UBAP2L: variants seen among roughly 807,000 people sequenced by gnomAD.
UBAP2L encodes ubiquitin associated protein 2 like.
Under a neutral mutation model 130.6 loss-of-function variants are expected in UBAP2L, and 12 were observed. That is an observed-to-expected ratio of 0.09 (90% CI 0.06 to 0.15). The LOEUF (loss-of-function observed/expected upper bound fraction) is 0.15. Ranked by LOEUF, UBAP2L falls within the 10% of genes least tolerant of loss-of-function variation. The pLI, the probability that UBAP2L is intolerant of heterozygous loss-of-function variation, is 1.00. For synonymous variants in UBAP2L, 503 were observed against 524.7 expected, an observed-to-expected ratio of 0.96 and a Z score of 0.57; for missense variants, 965 against 1,332.5, an observed-to-expected ratio of 0.72 and a Z score of 4.29.
At chr1:154,220,527 G>A (rs895193293), upstream of UBAP2L, 3 of 1,104,716 alleles carry the variant, frequency 2.7e-6, no homozygotes, top group African/African-American at 3.1e-5. Context: ...TTTCCTTACG[G>A]GGGAAGACCA....
intron 15 of UBAP2L, 194 bp from the exon 16 acceptor site, chr1:154,254,642 T>C (rs1207645822): frequency 3.5e-6 from 2 of 573,228 alleles, no homozygotes; most frequent in African/African-American, 2.2e-5. Flanking sequence ...TATATCTCAG[T>C]TTTGTTGTTT....
Position 154,270,288 on chromosome 1 carries a change from C to T in UBAP2L, c.3257C>T (p.Ala1086Val). The T allele has an allele frequency of 6.2e-7, 1 of 1,613,926 alleles. No individual in the cohort carries two copies. The highest frequency in any genetic ancestry group is 8.5e-7 in the Non-Finnish European group (1 of 1,179,930). ...GCCTACAACAGCTACAGCTGGGGGG[C>T]CAACTGAGGCCCTGACCCTCTTCTC... is the stretch of plus-strand genomic sequence containing the variant. ...KSAYNSYSWGAN is the reference protein window; with the variant it reads ...KSAYNSYSWGVN Residue 1086 changes from alanine (A) to valine (V), a missense_variant, in exon 27 of 27, where the codon GCC (alanine) becomes GTC (valine). This residue lies in a region of UBAP2L where 194 missense variants were observed against 334.0 expected (regional missense o/e 0.58). Transcript: ENST00000428931.
chr1:154,221,013 G>A (rs1571517276), intron 1 of UBAP2L, 38 bp downstream of exon 1: 1 of 201,960 alleles, frequency 5.0e-6, no homozygotes, highest in Non-Finnish European at 1.0e-5. Flanking sequence ...CGGCGGCGGC[G>A]GCGGCAGCGG....
In UBAP2L at chr1:154,254,094, T is replaced by C; in HGVS notation, c.1854+5T>C. ...AAGGACCTGACTCAGGCAAAGGTAG[T>C]GGCTTCATGAACCCTTGGGAATTGG... is the stretch of plus-strand genomic sequence containing the variant. On this transcript the variant is annotated splice_donor_5th_base_variant and intron_variant, in intron 15 of 26. Coordinates refer to ENST00000428931, the MANE Select transcript of UBAP2L (RefSeq NM_014847.4). 6.5e-7 allele frequency: 1 copy of C among 1,531,030 alleles called. No homozygotes were observed. Among genetic ancestry groups the C allele is most frequent in the South Asian group, 1.3e-5 (1 of 77,850 alleles). 94.8% of individuals were successfully genotyped at this position (1,531,030 alleles called of 1,614,324 possible). A position where few individuals can be genotyped will look rare whatever the true frequency, so the allele number is the denominator to read the frequency against.
chr1:154,228,547 C>T, intron 3 of UBAP2L, 68 bp from the exon 4 acceptor site: 3 of 1,208,756 alleles, frequency 2.5e-6, no homozygotes, highest in Non-Finnish European at 3.6e-6. Context: ...TTCCCTTCAC[C>T]TAGTTTCCTT....
chr1:154,257,009 C>G lies in UBAP2L; in HGVS notation c.2158-54C>G, dbSNP rs957576176. 8.3e-6 allele frequency: 13 copies of G among 1,570,038 alleles called. No homozygotes were observed. The African/African-American group carries it at 1.8e-4, about 21-fold the overall frequency. On this transcript the variant is annotated intron_variant, in intron 18 of 26. Transcript: ENST00000428931. ...GAGGGATTGTCTTATTTTTCCTGAC[C>G]TATGATGCTGATCTCTTTTCTTCTT...
chr1:154,251,634 C>G lies in UBAP2L; in HGVS notation c.1645C>G (p.Leu549Val). The G allele has an allele frequency of 6.2e-7, 1 of 1,614,078 alleles. No individual in the cohort carries two copies. The highest frequency in any genetic ancestry group is 1.7e-5 in the Admixed American group (1 of 60,006). ...CTCTTCAAGCCAGGCTCCAAGTAGC[C>G]TGTATACCAGCACGGCCAGGTAGAG... ...SASSSQAPSS[L>V]YTSTASESSS... Residue 549 changes from leucine (L) to valine (V), a missense_variant, in exon 14 of 27, where the codon CTG (leucine) becomes GTG (valine). By Grantham distance (32) the Leu-to-Val change is conservative (BLOSUM62 1). This residue lies in a region of UBAP2L where 393 missense variants were observed against 408.1 expected (regional missense o/e 0.96). Transcript: ENST00000428931.
intron 22 of UBAP2L, among the ~76,000 whole-genome samples, chr1:154,260,343 A>C (rs1296095511): frequency 6.6e-6 from 1 of 152,170 alleles, no homozygotes; most frequent in East Asian, 1.9e-4. Context: ...CCCCATCTCC[A>C]AAAAAAGTGA....
chr1:154,238,297 C>T (rs745352294), intron 8 of UBAP2L, among the ~76,000 whole-genome samples: 30 of 152,264 alleles, frequency 2.0e-4, no homozygotes, highest in Non-Finnish European at 1.5e-4. Flanking sequence ...TACGAAATGT[C>T]CTGTTATAGT....
At chr1:154,262,541 G>A (rs139698645) in intron 24 of UBAP2L, among the ~76,000 whole-genome samples, 1 of 152,302 alleles carries the variant, frequency 6.6e-6, no homozygotes, top group East Asian at 1.9e-4. Context: ...CTTCAAAGCT[G>A]TCAGCTCAGT....
At chr1:154,220,474 C>T (rs373879246), upstream of UBAP2L, 180 of 1,596,214 alleles carry the variant, frequency 1.1e-4, no homozygotes, top group Middle Eastern at 1.7e-4. Flanking sequence ...GCCCAGGCTC[C>T]GCCGAAGCGA....
chr1:154,250,310 C>T (rs2148872529), intron 12 of UBAP2L, among the ~76,000 whole-genome samples: 1 of 152,170 alleles, frequency 6.6e-6, no homozygotes, highest in South Asian at 2.1e-4. Flanking sequence ...TCTTGGCCTC[C>T]CAAAGTGATG....
chr1:154,235,861 A>G (rs1369872616), intron 6 of UBAP2L, among the ~76,000 whole-genome samples: 1 of 151,574 alleles, frequency 6.6e-6, no homozygotes, highest in African/African-American at 2.4e-5. Flanking sequence ...TGGCCTCTCC[A>G]AGTGCTGAGG....
At chr1:154,247,276 T>TTG (rs1056951250) in intron 11 of UBAP2L, among the ~76,000 whole-genome samples, 67 of 152,306 alleles carry the variant, frequency 4.4e-4, no homozygotes, top group African/African-American at 1.5e-3. Flanking sequence ...AAAATGTTTT[T>TTG]TGTGTGTGTT....
At chr1:154,223,060 A>G (rs1173899302) in intron 1 of UBAP2L, among the ~76,000 whole-genome samples, 2 of 152,208 alleles carry the variant, frequency 1.3e-5, no homozygotes, top group African/African-American at 4.8e-5. Context: ...CTGTGCCCTC[A>G]AGTGATCCAT....
intron 8 of UBAP2L, among the ~76,000 whole-genome samples, chr1:154,238,739 C>A (rs11265353): frequency 0.31 from 46,837 of 151,180 alleles, 8,814 homozygotes; most frequent in Admixed American, 0.47. Context: ...TTTTTTTTTT[C>A]TTTTCTTTTT....
chr1:154,253,922 T>C lies in UBAP2L; in HGVS notation c.1687T>C (p.Ser563Pro), dbSNP rs1181561050. 1 of 1,614,026 alleles carries C rather than the reference T, an allele frequency of 6.2e-7. No homozygotes were observed. The highest frequency in any genetic ancestry group is 8.5e-7 in the Non-Finnish European group (1 of 1,180,042). Residue 563 changes from serine (S) to proline (P), a missense_variant, in exon 15 of 27, where the codon TCT (serine) becomes CCT (proline). By Grantham distance (74) the Ser-to-Pro change is moderately conservative (BLOSUM62 -1). Transcript: ENST00000428931. ...TASESSSTIS[S>P]NQSQESGYQS... is the part of the protein sequence containing the mutation. The stretch of plus-strand genomic sequence containing the variant: ...CAGTGAATCATCCTCTACAATTTCA[T>C]CTAACCAGAGTCAGGAGTCTGGTTA...
rs1571884791 is a variant in UBAP2L, at chr1:154,254,688, A to G, written c.1855-148A>G. 3.4e-6 allele frequency: 3 copies of G among 874,956 alleles called. No individual in the cohort carries two copies. The East Asian group carries it at 7.9e-5, about 23-fold the overall frequency. 54.2% of individuals were successfully genotyped at this position (874,956 alleles called of 1,614,324 possible). On this transcript the variant is annotated intron_variant, in intron 15 of 26. Transcript: ENST00000428931. ...CCTATTTTGGTTTTTTGGATAGTCTACATTGTATTAATATTAATCCTTTTG... is the reference window on the plus strand; with the variant it reads ...CCTATTTTGGTTTTTTGGATAGTCTGCATTGTATTAATATTAATCCTTTTG...
chr1:154,267,906 T>TTTTTTTTTTTTTGG (rs1683806354), intron 25 of UBAP2L, among the ~76,000 whole-genome samples: 2 of 135,896 alleles, frequency 1.5e-5, no homozygotes, highest in Non-Finnish European at 3.2e-5. Context: ...TTTTTTTTTT[T>TTTTTTTTTTTTTGG]GAGACGGAGT....
Sources: gnomAD v4.1 joint callset for allele counts (sites outside exome capture counted in the v4.1 genomes callset) on GRCh38, gnomAD v4.1.1 for gene constraint, gnomAD v4.1.1 regional missense constraint, MANE v1.5 for transcripts, NCBI Gene and HGNC (gene_info 2026-07-23, HGNC 2026-07-21) for gene names.